EXD3: variants seen among roughly 807,000 people sequenced by gnomAD.
EXD3 encodes exonuclease 3'-5' domain containing 3.
Under a neutral mutation model 98.0 loss-of-function variants are expected in EXD3, and 92 were observed. That is an observed-to-expected ratio of 0.94 (90% CI 0.79 to 1.12). EXD3 has a LOEUF of 1.12. Among genes scored for constraint, EXD3 ranks in the 50% most tolerant of loss-of-function variants. The pLI, the probability that EXD3 is intolerant of heterozygous loss-of-function variation, is 0.00. For synonymous variants in EXD3, 569 were observed against 526.0 expected, an observed-to-expected ratio of 1.08 and a Z score of -1.12; for missense variants, 1,222 against 1,191.6, an observed-to-expected ratio of 1.03 and a Z score of -0.38.
intron 17 of EXD3, among the ~76,000 whole-genome samples, chr9:137,325,861 G>A (rs999262552): frequency 5.3e-5 from 8 of 152,092 alleles, no homozygotes; most frequent in Non-Finnish European, 8.8e-5. Context: ...AGGCTGCGAT[G>A]GGTAGATTGC....
chr9:137,309,924 C>T (rs974757263), intron 19 of EXD3, among the ~76,000 whole-genome samples: 2 of 152,220 alleles, frequency 1.3e-5, no homozygotes, highest in African/African-American at 4.8e-5. Flanking sequence ...CCTGGGAAGC[C>T]TCTTCTGTTT....
chr9:137,378,048 C>T (rs1031468984), intron 3 of EXD3, among the ~76,000 whole-genome samples: 2 of 152,006 alleles, frequency 1.3e-5, no homozygotes, highest in South Asian at 2.1e-4. Flanking sequence ...CTACCTTGGC[C>T]TCCCAAAGTG....
chr9:137,354,060 G>T, intron 10 of EXD3: 8 of 1,215,488 alleles, frequency 6.6e-6, no homozygotes, highest in Non-Finnish European at 8.2e-6. Flanking sequence ...GGCCCCACAG[G>T]CAGCTCCGCT....
intron 19 of EXD3, among the ~76,000 whole-genome samples, chr9:137,314,383 A>C (rs905390082): frequency 1.3e-5 from 2 of 152,168 alleles, no homozygotes; most frequent in African/African-American, 4.8e-5. Context: ...CACTGGAGAC[A>C]GTGCTGGGGT....
At position 137,356,317 on chromosome 9, in the gene EXD3, C is replaced by T. The variant is rs369860371; in HGVS notation, c.708G>A (p.Ala236=). The stretch of plus-strand genomic sequence containing the variant: ...GCAGACGCAAGACCTGCCTGCTCAG[C>T]GCCTTCGGACTCAGCTTCTCCAGGC... ...SLSLEKLSPK[A]LSRQVLRLQE... is the part of the protein sequence containing the mutation. Residue 236 remains alanine, a synonymous_variant, in exon 8 of 22, where the codon GCG becomes GCA. Transcript: ENST00000340951. The T allele has an allele frequency of 8.0e-5, 129 of 1,604,476 alleles. 2 individuals are homozygous for T. The highest frequency in any genetic ancestry group is 1.9e-4 in the South Asian group (17 of 89,148).
rs1484460700 is a variant in EXD3, at chr9:137,373,033, T to C, written c.334A>G (p.Lys112Glu). 3 of 1,602,026 alleles carry C rather than the reference T, an allele frequency of 1.9e-6. No homozygotes were observed. The highest frequency in any genetic ancestry group is 3.4e-5 in the Admixed American group (2 of 59,440). ...RLKQLQARAV[K>E]VLTESPPSLA... ...CTGGGGGGGCTCTCAGTGAGGACTT[T>C]GACCGCTCGGGCCTGCAGCTGCTTC... The change falls in exon 5 of 22, where the codon AAA becomes GAA. Residue 112 changes from lysine (K) to glutamate (E), a missense_variant. Physicochemically the swap from Lys to Glu is moderately conservative, Grantham distance 56. Coordinates refer to ENST00000340951, the MANE Select transcript of EXD3 (RefSeq NM_017820.5).
chr9:137,374,173 G>C (rs1588377600), intron 3 of EXD3, among the ~76,000 whole-genome samples: 1 of 152,388 alleles, frequency 6.6e-6, no homozygotes, highest in Non-Finnish European at 1.5e-5. Context: ...GTGGATTCCT[G>C]CAAGTGAGTC....
intron 19 of EXD3, among the ~76,000 whole-genome samples, chr9:137,316,149 C>T (rs1831643930): frequency 6.6e-6 from 1 of 151,542 alleles, no homozygotes; most frequent in Non-Finnish European, 1.5e-5. Flanking sequence ...GGGGCGGCGG[C>T]CGTGAGAACC....
chr9:137,346,238 C>CAAAAAAAAAAAAAAAAAAAAAAAAAAAA (rs563761495), intron 17 of EXD3, among the ~76,000 whole-genome samples: 12 of 13,616 alleles, frequency 8.8e-4, no homozygotes, highest in Admixed American at 1.2e-3. Context: ...GACTCCGTCT[C>CAAAAAAAAAAAAAAAAAAAAAAAAAAAA]AAAAAAAAAA....
intron 19 of EXD3, among the ~76,000 whole-genome samples, chr9:137,318,370 C>T (rs990490873): frequency 1.5e-4 from 23 of 152,186 alleles, no homozygotes; most frequent in African/African-American, 4.6e-4. Flanking sequence ...CGGGAGCCCT[C>T]GGAGGCAGGG....
intron 2 of EXD3, among the ~76,000 whole-genome samples, chr9:137,387,014 C>T (rs28579537): frequency 5.0e-5 from 7 of 139,956 alleles, no homozygotes; most frequent in Admixed American, 1.4e-4. Context: ...CCTGCCTGGC[C>T]CCCTCAGCAC....
intron 17 of EXD3, among the ~76,000 whole-genome samples, chr9:137,327,871 A>C (rs60857170): frequency 1.1e-3 from 1 of 930 alleles, no homozygotes; most frequent in East Asian, 0.026. Context: ...CACATGATGA[A>C]TAAAAACAAT....
In EXD3 at chr9:137,354,376, T is replaced by C; in HGVS notation, c.833A>G (p.Lys278Arg). ...GGTCCAGTTCTCCTGTGACAGGCTC[T>C]TCTGCAAAGGCAAACAGGAAGGGGC... ...RHLCHKRFVEKSLSQENWTDH... is the reference protein window; with the variant it reads ...RHLCHKRFVERSLSQENWTDH... Residue 278 changes from lysine (K) to arginine (R), a missense_variant and splice_region_variant, in exon 10 of 22, where the codon AAG (lysine) becomes AGG (arginine). Physicochemically the swap from Lys to Arg is conservative, Grantham distance 26 (BLOSUM62 2). Coordinates refer to ENST00000340951, the MANE Select transcript of EXD3 (RefSeq NM_017820.5). The C allele has an allele frequency of 6.2e-7, 1 of 1,612,296 alleles. No individual in the cohort carries two copies. The highest frequency in any genetic ancestry group is 8.5e-7 in the Non-Finnish European group (1 of 1,179,606).
chr9:137,334,815 C>T (rs945750112), intron 17 of EXD3, among the ~76,000 whole-genome samples: 10 of 152,192 alleles, frequency 6.6e-5, no homozygotes, highest in African/African-American at 1.7e-4. Flanking sequence ...CGGTGGCTCA[C>T]GCCTGTAATG....
At position 137,372,988 on chromosome 9, in the gene EXD3, T is replaced by C. The variant is rs751195777; in HGVS notation, c.379A>G (p.Ser127Gly). Residue 127 changes from serine to glycine, a missense_variant, in exon 5 of 22, where the codon AGC (serine) becomes GGC (glycine). Transcript: ENST00000340951. Reference sequence around the variant, plus strand: ...TCTGCATCCTGCAGCTGGAAGATGCTGGCCAGTGGTGCCGCAAGGCTGGGG... The same window carrying C: ...TCTGCATCCTGCAGCTGGAAGATGCCGGCCAGTGGTGCCGCAAGGCTGGGG... ...SPPSLAAPLASIFQLQDADRS... is the reference protein window; with the variant it reads ...SPPSLAAPLAGIFQLQDADRS... 8 of 1,604,936 alleles carry C rather than the reference T, an allele frequency of 5.0e-6. No homozygotes were observed. The highest frequency in any genetic ancestry group is 6.8e-6 in the Non-Finnish European group (8 of 1,179,646).
At chr9:137,382,077 C>T (rs990558071) in intron 3 of EXD3, among the ~76,000 whole-genome samples, 2 of 75,548 alleles carry the variant, frequency 2.6e-5, no homozygotes, top group African/African-American at 6.5e-5. Context: ...TGAGGGCGCG[C>T]GGTGGAGGTC....
Position 137,366,450 on chromosome 9 carries a change from G to C in EXD3, c.656+43C>G, listed in dbSNP as rs1396420759. ...CTCCCTTCCCTAACCAGGGCTCCCA[G>C]GATGCCATCTGGTGCCAGCTGCCAG... On this transcript the variant is annotated intron_variant, in intron 7 of 21. Transcript: ENST00000340951. 3.3e-6 allele frequency: 5 copies of C among 1,532,668 alleles called. 1 individual carries two copies. In the African/African-American group the frequency reaches 4.1e-5, roughly 13 times the overall value. The allele number at this position is 1,532,668 out of a possible 1,614,324, so 94.9% of individuals were successfully genotyped here.
At position 137,365,998 on chromosome 9, in the gene EXD3, AGGCACACATGCACATG is replaced by A. The variant is rs1011410826; in HGVS notation, c.656+479_656+494del. On this transcript the variant is annotated intron_variant, in intron 7 of 21. Coordinates refer to ENST00000340951, the MANE Select transcript of EXD3 (RefSeq NM_017820.5). ...CAGAGACACACACATGCACACCTGCAGGCACACATGCACATGGGCACACACATACATGCACACACAT... is the reference window on the plus strand; with the variant it reads ...CAGAGACACACACATGCACACCTGCAGGCACACACATACATGCACACACAT... The A allele has an allele frequency of 1.0e-5, 6 of 585,436 alleles. No homozygotes were observed. The Admixed American group carries it at 1.3e-4, about 13-fold the overall frequency. 36.3% of individuals were successfully genotyped at this position (585,436 alleles called of 1,614,324 possible).
intron 1 of EXD3, among the ~76,000 whole-genome samples, chr9:137,401,002 G>A (rs1442641939): frequency 6.6e-6 from 1 of 152,084 alleles, no homozygotes; most frequent in African/African-American, 2.4e-5. Context: ...TTTCACAGGT[G>A]GTGTTGAGTG....
Sources: gnomAD v4.1 joint callset for allele counts (sites outside exome capture counted in the v4.1 genomes callset) on GRCh38, gnomAD v4.1.1 for gene constraint, MANE v1.5 for transcripts, NCBI Gene and HGNC (gene_info 2026-07-23, HGNC 2026-07-21) for gene names.